ORC5: variants seen among roughly 807,000 people sequenced by gnomAD.
ORC5 encodes origin recognition complex subunit 5, also known as protein phosphatase 1, regulatory subunit 117.
A neutral mutation model predicts 58.8 loss-of-function variants in ORC5; 39 were observed. The observed-to-expected ratio is 0.66, with a 90% CI of 0.51 to 0.87. ORC5 has a LOEUF of 0.87. Ranked by LOEUF, ORC5 falls within the 40% of genes least tolerant of loss-of-function variation. The pLI is 0.00. For synonymous variants in ORC5, 218 were observed against 177.6 expected (o/e 1.23, Z -1.81); for missense variants, 493 against 506.3 (o/e 0.97, Z 0.25).
chr7:104,196,793 A>G (rs1799810212), intron 4 of ORC5, among the ~76,000 whole-genome samples: 1 of 152,228 alleles, frequency 6.6e-6, no homozygotes, highest in Admixed American at 6.5e-5. Flanking sequence ...AAATTTATAA[A>G]TACGAACTAT....
chr7:104,158,579 T>C (rs975027115), intron 12 of ORC5, among the ~76,000 whole-genome samples: 19 of 151,938 alleles, frequency 1.3e-4, no homozygotes, highest in Admixed American at 6.5e-4. Context: ...CCTACTCATC[T>C]AACAAAGGGC....
rs188539225 is a variant in ORC5, at chr7:104,151,279, T to G, written c.1149+9793A>C. On this transcript the variant is annotated intron_variant, in intron 12 of 13. Coordinates refer to ENST00000297431, the MANE Select transcript of ORC5 (RefSeq NM_002553.4). ...TTTATGCTGATGACCGTATGGATGA[T>G]GAACCAGCAAGTGCCTAGTGACAAG... 2.4e-3 allele frequency among the ~76,000 whole-genome samples: 362 copies of G among 152,314 alleles called. 1 individual carries two copies. The highest frequency in any genetic ancestry group is 4.1e-3 in the Non-Finnish European group (282 of 68,020).
At position 104,165,262 on chromosome 7, in the gene ORC5, T is replaced by C. The variant is rs748979612; in HGVS notation, c.1011A>G (p.Lys337=). ...TTTCGTGTTTTTTTAGAAAGTTGGT[T>C]TTCTTGATTTTTCCATGATGCTGCA... ...FFLKHHGKIK[K]TNFLKKHEKT... is the part of the protein sequence containing the mutation. Residue 337 remains lysine (K), a synonymous_variant, in exon 11 of 14, where the codon AAA becomes AAG. Transcript: ENST00000297431. 12 of 1,527,722 alleles carry C rather than the reference T, an allele frequency of 7.9e-6. No homozygotes were observed. Among genetic ancestry groups the C allele is most frequent in the Non-Finnish European group, 1.1e-5 (12 of 1,116,020 alleles). The allele number at this position is 1,527,722 out of a possible 1,614,324, so 94.6% of individuals were successfully genotyped here.
rs1800020774 is a variant in ORC5, at chr7:104,204,298, T to C, written c.73-64A>G. 3 of 950,188 alleles carry C rather than the reference T, an allele frequency of 3.2e-6. No individual in the cohort carries two copies. The South Asian group carries it at 4.7e-5, about 15-fold the overall frequency. The allele number at this position is 950,188 out of a possible 1,614,324, so 58.9% of individuals were successfully genotyped here. A position where few individuals can be genotyped will look rare whatever the true frequency, so the allele number is the denominator to read the frequency against. On this transcript the variant is annotated intron_variant, in intron 1 of 13. Transcript: ENST00000297431. Reference sequence around the variant, plus strand: ...AAATAGAAAATAAACACTTATCAACTTGTGAGAAAGTTGTACGTGGAAAAG... The same window carrying C: ...AAATAGAAAATAAACACTTATCAACCTGTGAGAAAGTTGTACGTGGAAAAG...
At chr7:104,205,088 T>TTTC (rs921807818) in intron 1 of ORC5, among the ~76,000 whole-genome samples, 1 of 122,992 alleles carries the variant, frequency 8.1e-6, no homozygotes, top group Non-Finnish European at 1.8e-5. Flanking sequence ...ATAATACTCT[T>TTTC]TTTTTTTTTT....
chr7:104,145,167 T>C (rs971536841), intron 12 of ORC5, among the ~76,000 whole-genome samples: 2 of 151,754 alleles, frequency 1.3e-5, no homozygotes, highest in African/African-American at 2.4e-5. Context: ...ATAATGAGAG[T>C]AGGCCTGAAA....
intron 12 of ORC5, among the ~76,000 whole-genome samples, chr7:104,144,999 C>T (rs1354959938): frequency 6.6e-6 from 1 of 152,134 alleles, no homozygotes; most frequent in Non-Finnish European, 1.5e-5. Flanking sequence ...GGGGCCGAGC[C>T]TTTCCCATCT....
chr7:104,135,606 T>A (rs1025700246), intron 13 of ORC5, among the ~76,000 whole-genome samples: 3 of 152,154 alleles, frequency 2.0e-5, no homozygotes, highest in African/African-American at 7.2e-5. Context: ...CATTCAATAA[T>A]TTATTATTTA....
rs556190740 is a variant in ORC5 at position 104,178,921 on chromosome 7, A to C, written c.824+5022T>G. Reference sequence around the variant, plus strand: ...GAGAATTCTTACAAAGCCAAAAAAAAGTGTTCTTTATTGAGAAAAAAGAAT... The same window carrying C: ...GAGAATTCTTACAAAGCCAAAAAAACGTGTTCTTTATTGAGAAAAAAGAAT... On this transcript the variant is annotated intron_variant, in intron 8 of 13. Coordinates refer to ENST00000297431, the MANE Select transcript of ORC5 (RefSeq NM_002553.4). Among the ~76,000 whole-genome samples, 9 of 152,246 alleles carry C rather than the reference A, an allele frequency of 5.9e-5. No homozygotes were observed. The South Asian group carries it at 1.2e-3, about 21-fold the overall frequency.
At position 104,197,816 on chromosome 7, in the gene ORC5, AAC is replaced by A; in HGVS notation, c.367-19_367-18del. The A allele has an allele frequency of 1.4e-6, 2 of 1,475,164 alleles. No homozygotes were observed. The highest frequency in any genetic ancestry group is 1.3e-5 in the South Asian group (1 of 76,836). The allele number at this position is 1,475,164 out of a possible 1,614,324, so 91.4% of individuals were successfully genotyped here. A position where few individuals can be genotyped will look rare whatever the true frequency, so the allele number is the denominator to read the frequency against. On this transcript the variant is annotated intron_variant, in intron 3 of 13. Transcript: ENST00000297431. ...ATCTAGAACCTTTAAAAAACAAAAAAACAAAACAAAAAGAAATGCATTTACAA... is the reference window on the plus strand; with the variant it reads ...ATCTAGAACCTTTAAAAAACAAAAAAAAAACAAAAAGAAATGCATTTACAA...
At chr7:104,132,069 T>A (rs771683282) in intron 13 of ORC5, among the ~76,000 whole-genome samples, 2 of 152,128 alleles carry the variant, frequency 1.3e-5, no homozygotes, top group Non-Finnish European at 2.9e-5. Context: ...ACATTATCTC[T>A]CTTTGCTACA....
chr7:104,189,795 T>C (rs1305061822), intron 5 of ORC5, among the ~76,000 whole-genome samples: 1 of 152,174 alleles, frequency 6.6e-6, no homozygotes, highest in Non-Finnish European at 1.5e-5. Context: ...ATGGAGTAAG[T>C]ACAGTGTTTC....
rs1404493794 is a variant in ORC5 at position 104,129,675 on chromosome 7, G to A, written c.1263-2782C>T. 6.6e-6 allele frequency among the ~76,000 whole-genome samples: 1 copy of A among 152,170 alleles called. No individual in the cohort carries two copies. The highest frequency in any genetic ancestry group is 1.5e-5 in the Non-Finnish European group (1 of 68,026). ...AAGGTATAACTTACAAGAGAATTGT[G>A]TAATTTGCATGGATGTTCCCTGGCT... is the stretch of plus-strand genomic sequence containing the variant. On this transcript the variant is annotated intron_variant, in intron 13 of 13. Coordinates refer to ENST00000297431, the MANE Select transcript of ORC5 (RefSeq NM_002553.4). This position sits in a 1 kb window ranked among gnomAD's most constrained non-coding sequence, Gnocchi z 4.9.
chr7:104,144,627 T>C (rs954174506), intron 12 of ORC5, among the ~76,000 whole-genome samples: 1 of 152,130 alleles, frequency 6.6e-6, no homozygotes, highest in Non-Finnish European at 1.5e-5. Flanking sequence ...CGTGATGGCA[T>C]GTGCCTGTAA....
intron 8 of ORC5, among the ~76,000 whole-genome samples, chr7:104,171,658 T>C (rs1799212880): frequency 6.6e-6 from 1 of 152,086 alleles, no homozygotes; most frequent in South Asian, 2.1e-4. Context: ...AAGACTATCA[T>C]GCTAACTCTG....
At position 104,136,670 on chromosome 7, in the gene ORC5, C is replaced by T. The variant is rs17377024; in HGVS notation, c.1262+111G>A. The stretch of plus-strand genomic sequence containing the variant: ...TATCGTACAGCTTATTCATTCTTGG[C>T]ACTTAAATAGATGATTTTTTCATGT... On this transcript the variant is annotated intron_variant, in intron 13 of 13. Coordinates refer to ENST00000297431, the MANE Select transcript of ORC5 (RefSeq NM_002553.4). The surrounding 1 kb of genome is among the most constrained non-coding windows in gnomAD (Gnocchi z 4.2). 7,242 of 671,044 alleles carry T rather than the reference C, an allele frequency of 0.011. 78 individuals are homozygous for T. Among genetic ancestry groups the T allele is most frequent in the Middle Eastern group, 0.021 (77 of 3,602 alleles). The allele number at this position is 671,044 out of a possible 1,614,324, so 41.6% of individuals were successfully genotyped here.
chr7:104,189,489 AG>A (rs1799625308), intron 5 of ORC5, among the ~76,000 whole-genome samples: 1 of 152,058 alleles, frequency 6.6e-6, no homozygotes. Flanking sequence ...GGGGACACAA[AG>A]CCAAACCATA....
intron 6 of ORC5, among the ~76,000 whole-genome samples, chr7:104,185,754 T>C (rs1431194240): frequency 6.6e-6 from 1 of 152,102 alleles, no homozygotes; most frequent in African/African-American, 2.4e-5. Flanking sequence ...AACAGCAGTT[T>C]AAGCAAACTG....
chr7:104,154,819 A>C (rs1277474978), intron 12 of ORC5, among the ~76,000 whole-genome samples: 1 of 151,888 alleles, frequency 6.6e-6, no homozygotes, highest in Non-Finnish European at 1.5e-5. Context: ...AAAACTATAT[A>C]AATTTACCAC....
Sources: gnomAD v4.1 joint callset for allele counts (sites outside exome capture counted in the v4.1 genomes callset) on GRCh38, gnomAD v4.1.1 for gene constraint, Gnocchi (gnomAD v3.1) non-coding constraint, MANE v1.5 for transcripts, NCBI Gene and HGNC (gene_info 2026-07-23, HGNC 2026-07-21) for gene names.